The following CALCR variants were observed in gnomAD, a reference collection of about 807,000 sequenced individuals.
The protein encoded by CALCR is calcitonin receptor.
In CALCR, 47 loss-of-function variants were observed where a neutral mutation model predicts 59.5. The observed-to-expected ratio is 0.79, with a 90% CI of 0.63 to 1.01. The LOEUF is 1.01. Ranked by LOEUF, CALCR falls within the 50% of genes least tolerant of loss-of-function variation. The probability of loss-of-function intolerance (pLI) is 0.00; values close to 1 mark genes in which losing one functional copy is unlikely to be tolerated. For synonymous variants in CALCR, 213 were observed against 211.3 expected (o/e 1.01, Z -0.07); for missense variants, 566 against 597.1 (o/e 0.95, Z 0.54).
At chr7:93,541,506 A>G in intron 2 of CALCR, among the ~76,000 whole-genome samples, 1 of 152,160 alleles carries the variant, frequency 6.6e-6, no homozygotes. Flanking sequence ...GTTAAGTGCT[A>G]GAAACTGGGA....
chr7:93,455,082 T>C (rs775899607), intron 8 of CALCR, among the ~76,000 whole-genome samples: 2 of 151,906 alleles, frequency 1.3e-5, no homozygotes, highest in Admixed American at 6.6e-5. Flanking sequence ...TGGGCATTGG[T>C]GAGGAAAATC....
At chr7:93,521,963 C>T (rs1801774017) in intron 2 of CALCR, among the ~76,000 whole-genome samples, 1 of 152,122 alleles carries the variant, frequency 6.6e-6, no homozygotes, top group South Asian at 2.1e-4. Flanking sequence ...TTTCTGAATG[C>T]TCTTAACTTC....
chr7:93,432,461 T>C (rs1799678645), intron 13 of CALCR, among the ~76,000 whole-genome samples: 1 of 152,242 alleles, frequency 6.6e-6, no homozygotes, highest in Non-Finnish European at 1.5e-5. Flanking sequence ...ATATTACATC[T>C]GGCACAGTAC....
chr7:93,524,317 C>A (rs1418632502), intron 2 of CALCR, among the ~76,000 whole-genome samples: 3 of 151,726 alleles, frequency 2.0e-5, no homozygotes, highest in African/African-American at 7.3e-5. Flanking sequence ...CTACAGGCGC[C>A]TGCCACCACG....
chr7:93,469,163 T>C (rs1800501376), intron 6 of CALCR, among the ~76,000 whole-genome samples: 1 of 151,768 alleles, frequency 6.6e-6, no homozygotes, highest in Non-Finnish European at 1.5e-5. Flanking sequence ...CATAATTCTA[T>C]ACCACAGAAC....
At chr7:93,447,062 T>TATTCATATC (rs1800018684) in intron 8 of CALCR, among the ~76,000 whole-genome samples, 2 of 152,038 alleles carry the variant, frequency 1.3e-5, no homozygotes, top group Admixed American at 6.6e-5. Context: ...TCAGTGCCCT[T>TATTCATATC]ACTACCAGTT....
chr7:93,473,274 C>T (rs150703773), intron 5 of CALCR, among the ~76,000 whole-genome samples: 2 of 151,900 alleles, frequency 1.3e-5, no homozygotes, highest in East Asian at 3.9e-4. Flanking sequence ...TCTTCTTTAA[C>T]GTTAATAATG....
chr7:93,442,074 T>C lies in CALCR; in HGVS notation c.802+1530A>G, dbSNP rs1350118992. On this transcript the variant is annotated intron_variant, in intron 9 of 13. Transcript: ENST00000426151. Reference sequence around the variant, plus strand: ...ACTGGAGGGAGCAGAGACCCTATGGTCTATGGCCTGTAAAGAAAGAGAAGG... The same window carrying C: ...ACTGGAGGGAGCAGAGACCCTATGGCCTATGGCCTGTAAAGAAAGAGAAGG... Among the ~76,000 whole-genome samples the C allele has an allele frequency of 2.6e-5, 4 of 152,084 alleles. No individual in the cohort carries two copies. In the East Asian group the frequency reaches 5.8e-4, roughly 22 times the overall value.
At chr7:93,459,082 A>G (rs201697523) in intron 8 of CALCR, among the ~76,000 whole-genome samples, 2 of 152,330 alleles carry the variant, frequency 1.3e-5, no homozygotes, top group East Asian at 3.9e-4. Context: ...ACTATTAAAT[A>G]ATAGAGGCTG....
Position 93,543,666 on chromosome 7 carries a change from C to T in CALCR, c.-27+30623G>A, listed in dbSNP as rs73223641. On this transcript the variant is annotated intron_variant, in intron 2 of 13. Transcript: ENST00000426151. ...TGGCCCATGATTATATATATATATA[C>T]ACACACACACACACCTAAGAATGTA... Among the ~76,000 whole-genome samples, 137 of 60,894 alleles carry T rather than the reference C, an allele frequency of 2.2e-3. 1 individual carries two copies. Among genetic ancestry groups the T allele is most frequent in the East Asian group, 5.6e-3 (13 of 2,332 alleles). The allele number at this position is 60,894 out of a possible 152,430, so 39.9% of individuals were successfully genotyped here. A position where few individuals can be genotyped will look rare whatever the true frequency, so the allele number is the denominator to read the frequency against.
At chr7:93,503,505 G>T (rs1801365548) in intron 2 of CALCR, among the ~76,000 whole-genome samples, 1 of 152,068 alleles carries the variant, frequency 6.6e-6, no homozygotes. Flanking sequence ...AACCTCTCCA[G>T]ATGGTGGGAT....
Position 93,438,253 on chromosome 7 carries a change from T to C in CALCR, c.820A>G (p.Thr274Ala). The C allele has an allele frequency of 6.2e-7, 1 of 1,613,510 alleles. No individual in the cohort carries two copies. Reference protein sequence around the residue: ...LLGWGFPLVPTTIHAITRAVY... With the variant: ...LLGWGFPLVPATIHAITRAVY... Reference sequence around the variant, plus strand: ...GCCCTGGTAATAGCATGGATAGTGGTTGGCACCAGCGGGAACCCTACAAAT... The same window carrying C: ...GCCCTGGTAATAGCATGGATAGTGGCTGGCACCAGCGGGAACCCTACAAAT... The change falls in exon 10 of 14, where the codon ACC becomes GCC. Residue 274 changes from threonine (T) to alanine (A), a missense_variant. Physicochemically the swap from Thr to Ala is moderately conservative, Grantham distance 58. Transcript: ENST00000426151.
chr7:93,438,626 T>C (rs1799834729), intron 9 of CALCR, among the ~76,000 whole-genome samples: 1 of 152,182 alleles, frequency 6.6e-6, no homozygotes, highest in Non-Finnish European at 1.5e-5. Flanking sequence ...CTGGCCTCTC[T>C]TATGGAGAGG....
At chr7:93,464,970 C>T (rs552685971) in intron 7 of CALCR, among the ~76,000 whole-genome samples, 7 of 152,020 alleles carry the variant, frequency 4.6e-5, no homozygotes, top group South Asian at 4.1e-4. Context: ...TGTTGACCTC[C>T]ATGATTACCT....
At chr7:93,520,543 G>A (rs1365787381) in intron 2 of CALCR, among the ~76,000 whole-genome samples, 1 of 152,022 alleles carries the variant, frequency 6.6e-6, no homozygotes. Context: ...AAATGTTGCT[G>A]AATTTAGAAA....
At chr7:93,553,901 A>G (rs186190240) in intron 2 of CALCR, among the ~76,000 whole-genome samples, 70 of 152,250 alleles carry the variant, frequency 4.6e-4, no homozygotes, top group Admixed American at 1.3e-3. Flanking sequence ...GCCATGATAG[A>G]TATTGCCTTC....
chr7:93,484,171 C>G (rs200589670), intron 3 of CALCR, among the ~76,000 whole-genome samples: 1 of 151,796 alleles, frequency 6.6e-6, no homozygotes, highest in Non-Finnish European at 1.5e-5. Flanking sequence ...AGCTTACATT[C>G]TTGATTTTAT....
rs146635069 is a variant in CALCR, at chr7:93,493,100, C to A, written c.-26-6093G>T. Among the ~76,000 whole-genome samples, 395 of 151,424 alleles carry A rather than the reference C, an allele frequency of 2.6e-3. 1 individual carries two copies. The highest frequency in any genetic ancestry group is 9.1e-3 in the African/African-American group (376 of 41,424). ...TCTACATAAATACACATCCTAACAA[C>A]CTTACCTAATGCTAAACCCTTTCAG... On this transcript the variant is annotated intron_variant, in intron 2 of 13. Coordinates refer to ENST00000426151, the MANE Select transcript of CALCR (RefSeq NM_001742.4).
intron 9 of CALCR, among the ~76,000 whole-genome samples, chr7:93,441,896 G>T (rs1799914732): frequency 6.6e-6 from 1 of 152,064 alleles, no homozygotes; most frequent in Non-Finnish European, 1.5e-5. Context: ...ATTGAACCAG[G>T]GTAGGCTACC....
Sources: gnomAD v4.1 joint callset for allele counts (sites outside exome capture counted in the v4.1 genomes callset) on GRCh38, gnomAD v4.1.1 for gene constraint, MANE v1.5 for transcripts, NCBI Gene and HGNC (gene_info 2026-07-23, HGNC 2026-07-21) for gene names.